Variants in PARD3 observed in about 807,000 individuals in gnomAD.
The protein encoded by PARD3 is par-3 family cell polarity regulator.
PARD3 carries 75 observed loss-of-function variants against 155.4 expected under a neutral mutation model. That is an observed-to-expected ratio of 0.48 (90% CI 0.40 to 0.58). PARD3 has a LOEUF of 0.58. Among genes scored for constraint, PARD3 ranks in the 20% least tolerant of loss-of-function variants. The probability of loss-of-function intolerance (pLI) is 0.00; values close to 1 mark genes in which losing one functional copy is unlikely to be tolerated. For missense variants in PARD3, 1,642 were observed against 1,721.7 expected (o/e 0.95, Z 0.82); for synonymous variants, 576 against 610.5 (o/e 0.94, Z 0.83).
chr10:34,308,093 C>T (rs1156803053), intron 20 of PARD3, among the ~76,000 whole-genome samples: 1 of 150,856 alleles, frequency 6.6e-6, no homozygotes, highest in Non-Finnish European at 1.5e-5. Context: ...GGAAAAGGCT[C>T]TAGTGGACCC....
At chr10:34,509,410 G>C (rs2081275323) in intron 3 of PARD3, among the ~76,000 whole-genome samples, 1 of 152,122 alleles carries the variant, frequency 6.6e-6, no homozygotes, top group Admixed American at 6.5e-5. Flanking sequence ...CAGCCCCAAA[G>C]CCAGTATGTC....
At chr10:34,745,893 G>A (rs1369678407) in intron 1 of PARD3, among the ~76,000 whole-genome samples, 1 of 152,178 alleles carries the variant, frequency 6.6e-6, no homozygotes, top group Non-Finnish European at 1.5e-5. Flanking sequence ...GAGGTCAGGA[G>A]ATCGAGACCA....
intron 2 of PARD3, among the ~76,000 whole-genome samples, chr10:34,683,959 T>C (rs984097241): frequency 1.3e-4 from 20 of 152,190 alleles, no homozygotes; most frequent in African/African-American, 4.6e-4. Context: ...TGGCAGCAAA[T>C]TTAAATATTT....
chr10:34,345,418 G>T (rs1837306673), intron 15 of PARD3: 1 of 985,122 alleles, frequency 1.0e-6, no homozygotes, highest in African/African-American at 1.7e-5. Flanking sequence ...ACTCCCTAAG[G>T]TAATCAGCCA....
intron 1 of PARD3, among the ~76,000 whole-genome samples, chr10:34,750,502 CACACACA>C (rs1835883346): frequency 1.3e-5 from 2 of 149,944 alleles, no homozygotes; most frequent in Non-Finnish European, 3.0e-5. Flanking sequence ...CACACACACA[CACACACA>C]CCCTAAGACT....
chr10:34,432,040 TCAAA>T (rs1382981475), intron 5 of PARD3, among the ~76,000 whole-genome samples: 1 of 3,192 alleles, frequency 3.1e-4, no homozygotes, highest in African/African-American at 5.2e-4. Context: ...AGACTCTGTC[TCAAA>T]AAAAAAAAAA....
intron 4 of PARD3, among the ~76,000 whole-genome samples, chr10:34,455,491 G>C (rs555740542): frequency 3.9e-5 from 6 of 152,068 alleles, no homozygotes; most frequent in African/African-American, 1.4e-4. Flanking sequence ...TAATAATGAT[G>C]GCTTAGAATG....
intron 24 of PARD3, 70 bp downstream of exon 24, chr10:34,119,543 C>G (rs1946866338): frequency 8.3e-6 from 12 of 1,453,486 alleles, no homozygotes; most frequent in Admixed American, 6.1e-5. Flanking sequence ...TGGGAAGGAG[C>G]GCGTTCCTAA....
intron 12 of PARD3, among the ~76,000 whole-genome samples, chr10:34,367,432 G>GC (rs1483948476): frequency 2.0e-5 from 3 of 152,184 alleles, no homozygotes; most frequent in Non-Finnish European, 4.4e-5. Flanking sequence ...CTGGCCAGGC[G>GC]CAGTGGCTCA....
chr10:34,202,479 A>G (rs1389830877), intron 22 of PARD3, among the ~76,000 whole-genome samples: 1 of 152,226 alleles, frequency 6.6e-6, no homozygotes, highest in Non-Finnish European at 1.5e-5. Context: ...TCTTTGGAAG[A>G]GGAAAGCATC....
At chr10:34,570,073 A>G (rs1427196390) in intron 2 of PARD3, among the ~76,000 whole-genome samples, 2 of 152,236 alleles carry the variant, frequency 1.3e-5, no homozygotes, top group Non-Finnish European at 2.9e-5. Flanking sequence ...TAGTACATCT[A>G]TCTAATCCTA....
At chr10:34,154,562 T>A (rs1948915989) in intron 22 of PARD3, among the ~76,000 whole-genome samples, 2 of 152,174 alleles carry the variant, frequency 1.3e-5, no homozygotes. Context: ...AGGTGAGCAG[T>A]TTAAAAGTAA....
At chr10:34,662,723 T>C (rs1191505367) in intron 2 of PARD3, among the ~76,000 whole-genome samples, 3 of 151,788 alleles carry the variant, frequency 2.0e-5, no homozygotes, top group African/African-American at 7.3e-5. Context: ...AATACAAAAA[T>C]TAGCCCAGCG....
At chr10:34,648,593 C>T (rs1007108939) in intron 2 of PARD3, among the ~76,000 whole-genome samples, 2 of 152,132 alleles carry the variant, frequency 1.3e-5, no homozygotes, top group Admixed American at 6.5e-5. Context: ...GGGCGTGCAA[C>T]CTAGATCCCT....
intron 1 of PARD3, among the ~76,000 whole-genome samples, chr10:34,800,439 A>G (rs1842743572): frequency 6.6e-6 from 1 of 151,632 alleles, no homozygotes; most frequent in African/African-American, 2.4e-5. Context: ...GTGAAACCCC[A>G]TCTCTACTAA....
chr10:34,549,605 G>A, intron 2 of PARD3, among the ~76,000 whole-genome samples: 1 of 152,038 alleles, frequency 6.6e-6, no homozygotes, highest in East Asian at 1.9e-4. Flanking sequence ...TCATGACATT[G>A]ATTACCAGTT....
intron 1 of PARD3, among the ~76,000 whole-genome samples, chr10:34,736,543 A>G (rs2094916619): frequency 6.6e-6 from 1 of 152,248 alleles, no homozygotes; most frequent in Admixed American, 6.5e-5. Flanking sequence ...TGAAACAAAA[A>G]TAGATCACTT....
At chr10:34,730,575 G>A (rs185913951) in intron 1 of PARD3, among the ~76,000 whole-genome samples, 286 of 152,302 alleles carry the variant, frequency 1.9e-3, no homozygotes, top group African/African-American at 6.1e-3. Context: ...CTTGAGCCCA[G>A]GAGTTGTACA....
chr10:34,261,418 G>A (rs1385393947), intron 22 of PARD3, among the ~76,000 whole-genome samples: 2 of 152,172 alleles, frequency 1.3e-5, no homozygotes, highest in Non-Finnish European at 2.9e-5. Context: ...GCTGGGCACG[G>A]TGGCTCATGC....
Sources: allele counts gnomAD v4.1 joint callset (sites outside exome capture counted in the v4.1 genomes callset), GRCh38; gene constraint gnomAD v4.1.1; transcripts MANE v1.5; gene names NCBI Gene and HGNC (gene_info 2026-07-23, HGNC 2026-07-21).